Variants in R3HDM1 observed in about 807,000 individuals in gnomAD.
R3HDM1 encodes the protein R3H domain containing 1, also known as R3H domain-containing protein 1.
In R3HDM1, 46 loss-of-function variants were observed where a neutral mutation model predicts 141.1. That is an observed-to-expected ratio of 0.33 (90% CI 0.26 to 0.42). R3HDM1 has a LOEUF of 0.42. Among genes scored for constraint, R3HDM1 ranks in the 10% least tolerant of loss-of-function variants. The probability of loss-of-function intolerance (pLI) is 1.00; values close to 1 mark genes in which losing one functional copy is unlikely to be tolerated. For missense variants in R3HDM1, 1,184 were observed against 1,368.3 expected (o/e 0.87, Z 2.12); for synonymous variants, 435 against 472.9 (o/e 0.92, Z 1.04).
In R3HDM1 at chr2:135,597,250, CTT is replaced by C. The variant is rs1338620337; in HGVS notation, c.-249-5247_-249-5246del. ...TAACCTCTTCATGGTTTAACGAACT[CTT>C]TTAGGTCAAGGGAGTTCATTCTCTT... On this transcript the variant is annotated intron_variant, in intron 1 of 26. Coordinates refer to ENST00000683871, the MANE Select transcript of R3HDM1 (RefSeq NM_001378107.1). 7 of 978,920 alleles carry C rather than the reference CTT, an allele frequency of 7.2e-6. No homozygotes were observed. In the African/African-American group the frequency reaches 1.2e-4, roughly 17 times the overall value. 60.6% of individuals were successfully genotyped at this position (978,920 alleles called of 1,614,324 possible).
chr2:135,669,548 G>A (rs1164582722), intron 19 of R3HDM1: 1 of 985,166 alleles, frequency 1.0e-6, no homozygotes, highest in South Asian at 4.7e-5. Context: ...AGCAAGGCCA[G>A]GTTCTGCTTA....
chr2:135,661,568 A>C (rs1248919373), intron 19 of R3HDM1, among the ~76,000 whole-genome samples, 175 bp downstream of exon 19: 2 of 152,244 alleles, frequency 1.3e-5, no homozygotes, highest in Admixed American at 6.5e-5. Flanking sequence ...CATCCTCTGG[A>C]AAATACCACA....
chr2:135,667,834 A>G, intron 19 of R3HDM1: 1 of 872,816 alleles, frequency 1.1e-6, no homozygotes, highest in Non-Finnish European at 1.4e-6. Context: ...CTCTGTACCC[A>G]CTCTTGCTTT....
chr2:135,580,244 G>T (rs1279645812), intron 1 of R3HDM1, among the ~76,000 whole-genome samples: 2 of 152,142 alleles, frequency 1.3e-5, no homozygotes, highest in East Asian at 3.9e-4. Context: ...GGGACACCCT[G>T]TCTCTAAATA....
chr2:135,711,490 T>G (rs1481111468), intron 23 of R3HDM1, among the ~76,000 whole-genome samples: 1 of 149,572 alleles, frequency 6.7e-6, no homozygotes, highest in Non-Finnish European at 1.5e-5. Flanking sequence ...GGTGAAACCC[T>G]GTCTCTATAA....
chr2:135,684,634 A>C (rs1392122982), intron 21 of R3HDM1, among the ~76,000 whole-genome samples: 2 of 152,216 alleles, frequency 1.3e-5, no homozygotes, highest in African/African-American at 4.8e-5. Context: ...ACCAGCATTC[A>C]CAGGCTAGGG....
In R3HDM1 at chr2:135,702,543, C is replaced by A. The variant is rs535222973; in HGVS notation, c.2460-6890C>A. ...GGGCATGGTGGCAGGCACCTGTAGT[C>A]CCAGCTACAGCAGGAAAATGGCGTG... On this transcript the variant is annotated intron_variant, in intron 21 of 26. Coordinates refer to ENST00000683871, the MANE Select transcript of R3HDM1 (RefSeq NM_001378107.1). 2.0e-5 allele frequency among the ~76,000 whole-genome samples: 3 copies of A among 151,582 alleles called. No individual in the cohort carries two copies. The South Asian group carries it at 6.3e-4, about 32-fold the overall frequency.
chr2:135,685,245 A>C (rs775744939), intron 21 of R3HDM1, among the ~76,000 whole-genome samples: 6 of 151,992 alleles, frequency 3.9e-5, no homozygotes, highest in East Asian at 1.9e-4. Context: ...ACCATTTCCC[A>C]CACACACACA....
intron 9 of R3HDM1, among the ~76,000 whole-genome samples, chr2:135,632,773 G>T (rs80026180): frequency 1.4e-3 from 213 of 152,296 alleles, no homozygotes; most frequent in African/African-American, 4.9e-3. Context: ...TTGATATGAG[G>T]CAGCAACAAG....
intron 14 of R3HDM1, among the ~76,000 whole-genome samples, chr2:135,640,314 AT>A (rs1413356285): frequency 6.6e-6 from 1 of 152,162 alleles, no homozygotes. Flanking sequence ...CTATGTTAGG[AT>A]TTTGCTAAAA....
chr2:135,657,404 CTG>C (rs2066055767), intron 18 of R3HDM1, among the ~76,000 whole-genome samples: 1 of 144,004 alleles, frequency 6.9e-6, no homozygotes, highest in African/African-American at 2.6e-5. Context: ...GAGCAATACT[CTG>C]TCTCAAAAAA....
At chr2:135,628,894 G>A (rs1381994809) in intron 7 of R3HDM1, among the ~76,000 whole-genome samples, 2 of 152,098 alleles carry the variant, frequency 1.3e-5, no homozygotes, top group Non-Finnish European at 2.9e-5. Flanking sequence ...CCAAAGTACT[G>A]GGATTACAGG....
chr2:135,661,115 A>T (rs2066645487), intron 18 of R3HDM1, among the ~76,000 whole-genome samples, 155 bp from the exon 19 acceptor site: 1 of 151,860 alleles, frequency 6.6e-6, no homozygotes, highest in South Asian at 2.1e-4. Flanking sequence ...CTTTGTTTGA[A>T]TTTTTTTTAA....
chr2:135,558,204 G>A (rs933014458), intron 1 of R3HDM1, among the ~76,000 whole-genome samples: 11 of 152,274 alleles, frequency 7.2e-5, no homozygotes, highest in East Asian at 1.9e-4. Context: ...GAATTGTTTC[G>A]TATCTGCACT....
intron 3 of R3HDM1, among the ~76,000 whole-genome samples, chr2:135,609,353 A>C (rs1299209169): frequency 6.6e-6 from 1 of 152,218 alleles, no homozygotes; most frequent in Non-Finnish European, 1.5e-5. Flanking sequence ...TTAATACTTC[A>C]GAGCTAATTC....
chr2:135,601,803 C>T (rs1559212053), intron 1 of R3HDM1, among the ~76,000 whole-genome samples: 1 of 152,006 alleles, frequency 6.6e-6, no homozygotes, highest in Admixed American at 6.5e-5. Context: ...ACTAGGACTG[C>T]AGGTGCACAC....
chr2:135,672,080 C>T (rs537317015), intron 19 of R3HDM1, among the ~76,000 whole-genome samples: 110 of 152,104 alleles, frequency 7.2e-4, no homozygotes, highest in Non-Finnish European at 1.4e-3. Flanking sequence ...TGGACAAAAT[C>T]GTAAAGGGAT....
intron 21 of R3HDM1, among the ~76,000 whole-genome samples, chr2:135,706,881 T>G (rs1344506867): frequency 6.6e-6 from 1 of 152,182 alleles, no homozygotes; most frequent in Non-Finnish European, 1.5e-5. Context: ...CCGTTCTCAA[T>G]GAGCTGTTGG....
chr2:135,602,573 C>T lies in R3HDM1; in HGVS notation c.-176C>T, dbSNP rs1311199453. ...CGGGAATCTACAGTGGTGACAAGGA[C>T]ATGGGACTCCTCCTGCCAGATTACA... On this transcript the variant is annotated 5_prime_UTR_variant, in exon 2 of 27. Coordinates refer to ENST00000683871, the MANE Select transcript of R3HDM1 (RefSeq NM_001378107.1). 2 of 1,531,414 alleles carry T rather than the reference C, an allele frequency of 1.3e-6. No individual in the cohort carries two copies. 94.9% of individuals were successfully genotyped at this position (1,531,414 alleles called of 1,614,324 possible).
Sources: gnomAD v4.1 joint callset for allele counts (sites outside exome capture counted in the v4.1 genomes callset) on GRCh38, gnomAD v4.1.1 for gene constraint, MANE v1.5 for transcripts, NCBI Gene and HGNC (gene_info 2026-07-23, HGNC 2026-07-21) for gene names.